ALCAM: variants seen among roughly 807,000 people sequenced by gnomAD.
ALCAM encodes the protein CD166 antigen.
Under a neutral mutation model 70.9 loss-of-function variants are expected in ALCAM, and 30 were observed. The ratio of observed to expected loss-of-function variants is 0.42; its 90% CI spans 0.32 to 0.57. ALCAM has a LOEUF of 0.57. Among genes scored for constraint, ALCAM ranks in the 20% least tolerant of loss-of-function variants. ALCAM has a pLI of 0.11. For missense variants in ALCAM, 591 were observed against 695.1 expected (o/e 0.85, Z 1.68); for synonymous variants, 249 against 242.5 (o/e 1.03, Z -0.25).
intron 1 of ALCAM, among the ~76,000 whole-genome samples, chr3:105,494,299 C>T (rs559227892): frequency 6.6e-6 from 1 of 152,200 alleles, no homozygotes; most frequent in African/African-American, 2.4e-5. Context: ...CAGTTTTCAA[C>T]CTTCTTTTAA....
intron 1 of ALCAM, among the ~76,000 whole-genome samples, chr3:105,509,567 GGTTTT>G (rs1194152329): frequency 3.3e-5 from 5 of 151,000 alleles, no homozygotes; most frequent in Non-Finnish European, 7.4e-5. Context: ...CTTCTCTGTG[GGTTTT>G]GTTTTGTTTA....
chr3:105,563,490 G>A (rs1940671528), intron 14 of ALCAM, among the ~76,000 whole-genome samples: 1 of 150,382 alleles, frequency 6.6e-6, no homozygotes, highest in African/African-American at 2.4e-5. Context: ...TTGATTCTTA[G>A]TATTAGACTT....
At chr3:105,407,696 C>A (rs749114178) in intron 1 of ALCAM, among the ~76,000 whole-genome samples, 11 of 152,130 alleles carry the variant, frequency 7.2e-5, no homozygotes, top group Non-Finnish European at 1.6e-4. Flanking sequence ...TTCTTTTCAA[C>A]ACAATACTGG....
chr3:105,399,060 G>A (rs1936023551), intron 1 of ALCAM, among the ~76,000 whole-genome samples: 1 of 151,764 alleles, frequency 6.6e-6, no homozygotes, highest in Admixed American at 6.6e-5. Flanking sequence ...TTTCTTATAA[G>A]GCATATTTGA....
chr3:105,382,930 T>C (rs2107337941), intron 1 of ALCAM, among the ~76,000 whole-genome samples: 1 of 152,004 alleles, frequency 6.6e-6, no homozygotes, highest in Middle Eastern at 3.4e-3. Context: ...TAGTAACTTC[T>C]TAATATAGCA....
intron 1 of ALCAM, among the ~76,000 whole-genome samples, chr3:105,394,899 A>G (rs1321447556): frequency 6.6e-6 from 1 of 151,968 alleles, no homozygotes; most frequent in African/African-American, 2.4e-5. Context: ...ATTATAGCAG[A>G]CCTGTAAGGT....
At chr3:105,514,398 G>A (rs946527777) in intron 1 of ALCAM, among the ~76,000 whole-genome samples, 5 of 151,902 alleles carry the variant, frequency 3.3e-5, no homozygotes, top group African/African-American at 1.2e-4. Flanking sequence ...GAGAAACTGT[G>A]ACGTATCCAG....
intron 1 of ALCAM, among the ~76,000 whole-genome samples, chr3:105,470,038 TTAATA>T (rs1296045817): frequency 1.3e-5 from 2 of 149,804 alleles, no homozygotes; most frequent in East Asian, 3.9e-4. Context: ...ATATTTTATA[TTAATA>T]TAATATATAA....
intron 2 of ALCAM, among the ~76,000 whole-genome samples, chr3:105,520,368 A>G (rs916860900): frequency 6.6e-6 from 1 of 152,248 alleles, no homozygotes; most frequent in Non-Finnish European, 1.5e-5. Flanking sequence ...AAATAAAGCC[A>G]ATAAACACAT....
chr3:105,524,590 T>C, intron 3 of ALCAM, 82 bp downstream of exon 3: 3 of 1,578,174 alleles, frequency 1.9e-6, no homozygotes, highest in Non-Finnish European at 2.6e-6. Context: ...AAGACTGAAC[T>C]CTCTGTAGTG....
At chr3:105,384,056 T>C (rs1935590963) in intron 1 of ALCAM, among the ~76,000 whole-genome samples, 1 of 151,666 alleles carries the variant, frequency 6.6e-6, no homozygotes, top group African/African-American at 2.4e-5. Context: ...CTGTGGACCA[T>C]GTCTTGGATG....
intron 1 of ALCAM, among the ~76,000 whole-genome samples, chr3:105,468,002 A>T (rs1043015829): frequency 6.6e-6 from 1 of 151,260 alleles, no homozygotes; most frequent in Non-Finnish European, 1.5e-5. Context: ...CCCATGAAAA[A>T]GAAGTGGTAA....
intron 1 of ALCAM, among the ~76,000 whole-genome samples, chr3:105,454,848 G>C (rs1167798449): frequency 6.6e-6 from 1 of 151,198 alleles, no homozygotes. Flanking sequence ...TTGTGTGTGT[G>C]TGTGTATTTT....
At chr3:105,422,634 A>T (rs1285332901) in intron 1 of ALCAM, among the ~76,000 whole-genome samples, 1 of 151,442 alleles carries the variant, frequency 6.6e-6, no homozygotes, top group East Asian at 1.9e-4. Flanking sequence ...TGTTGTCATT[A>T]TGGTACAGTA....
rs550127282 is a variant in ALCAM, at chr3:105,466,133, T to C, written c.74-53934T>C. 8.6e-5 allele frequency among the ~76,000 whole-genome samples: 13 copies of C among 151,630 alleles called. No homozygotes were observed. In the East Asian group the frequency reaches 2.1e-3, roughly 25 times the overall value. On this transcript the variant is annotated intron_variant, in intron 1 of 15. Transcript: ENST00000306107. ...CCCTTAAGTGCTAGCTCAAAGATCA[T>C]GATGACTTATTATCCCTGCTCCATG...
At chr3:105,476,296 CTCT>C (rs1192235225) in intron 1 of ALCAM, among the ~76,000 whole-genome samples, 1 of 152,012 alleles carries the variant, frequency 6.6e-6, no homozygotes, top group Non-Finnish European at 1.5e-5. Context: ...TGTACCAGCT[CTCT>C]TCTTCCTCTA....
At chr3:105,565,606 A>AT (rs943042770) in intron 14 of ALCAM, among the ~76,000 whole-genome samples, 3 of 151,874 alleles carry the variant, frequency 2.0e-5, no homozygotes, top group African/African-American at 7.3e-5. Flanking sequence ...TTATTAATTC[A>AT]TTTTTTCTCC....
At chr3:105,547,104 A>G in intron 9 of ALCAM, 45 bp from the exon 10 acceptor site, 2 of 1,468,388 alleles carry the variant, frequency 1.4e-6, no homozygotes, top group Non-Finnish European at 1.8e-6. Flanking sequence ...TACACTGAGA[A>G]TTTTAATTCT....
intron 1 of ALCAM, among the ~76,000 whole-genome samples, chr3:105,378,103 T>C (rs1194348694): frequency 1.3e-5 from 2 of 151,978 alleles, no homozygotes; most frequent in Non-Finnish European, 2.9e-5. Context: ...AAAAGTACAA[T>C]ATTTTACAAA....
Sources: gnomAD v4.1 joint callset for allele counts (sites outside exome capture counted in the v4.1 genomes callset) on GRCh38, gnomAD v4.1.1 for gene constraint, MANE v1.5 for transcripts, NCBI Gene and HGNC (gene_info 2026-07-23, HGNC 2026-07-21) for gene names.